MPPED2: variants seen among roughly 807,000 people sequenced by gnomAD.
The protein encoded by MPPED2 is metallophosphoesterase MPPED2.
Under a neutral mutation model 33.0 loss-of-function variants are expected in MPPED2, and 5 were observed. That is an observed-to-expected ratio of 0.15 (90% CI 0.08 to 0.32). MPPED2 has a LOEUF of 0.32. MPPED2 is among the 10% of genes least tolerant of loss of function. MPPED2 has a pLI of 1.00. For missense variants in MPPED2, 275 were observed against 372.1 expected (o/e 0.74, Z 2.15); for synonymous variants, 136 against 141.9 (o/e 0.96, Z 0.29).
chr11:30,416,796 C>T lies in MPPED2; in HGVS notation c.652+722G>A, dbSNP rs530115178. On this transcript the variant is annotated intron_variant, in intron 5 of 6. Coordinates refer to ENST00000358117, the MANE Select transcript of MPPED2 (RefSeq NM_001584.3). ...GTACTGAGTAGATGTGGGATCAGGGCGGTAGTCCTTGTTGAAGGATGTTCT... is the reference window on the plus strand; with the variant it reads ...GTACTGAGTAGATGTGGGATCAGGGTGGTAGTCCTTGTTGAAGGATGTTCT... Among the ~76,000 whole-genome samples the T allele has an allele frequency of 6.6e-5, 10 of 152,234 alleles. No individual in the cohort carries two copies. In the East Asian group the frequency reaches 1.7e-3, roughly 26 times the overall value.
chr11:30,477,538 C>T lies in MPPED2; in HGVS notation c.536+17758G>A, dbSNP rs531952942. 8.6e-5 allele frequency among the ~76,000 whole-genome samples: 13 copies of T among 151,846 alleles called. No individual in the cohort carries two copies. In the South Asian group the frequency reaches 2.7e-3, roughly 32 times the overall value. Reference sequence around the variant, plus strand: ...GATAGATTTTTTTTTCACTTTACACCCATCTTGTATTCCTGGTATAAATCC... The same window carrying T: ...GATAGATTTTTTTTTCACTTTACACTCATCTTGTATTCCTGGTATAAATCC... On this transcript the variant is annotated intron_variant, in intron 4 of 6. Transcript: ENST00000358117.
At chr11:30,398,110 C>T (rs1947861290) in intron 6 of MPPED2, among the ~76,000 whole-genome samples, 1 of 152,070 alleles carries the variant, frequency 6.6e-6, no homozygotes, top group South Asian at 2.1e-4. Context: ...CCTATCAGTA[C>T]CTCAAGGGCT....
chr11:30,583,134 C>CTTTTTTTTTTTTTTTTTTTTTTTTTT lies in MPPED2; in HGVS notation c.-121-2666_-121-2641dup, dbSNP rs199611856. ...CACAAACACCTGGAAAAGACTTTTT[C>CTTTTTTTTTTTTTTTTTTTTTTTTTT]TTTTTTTTTTTTTTTTTTTTTTTTT... On this transcript the variant is annotated intron_variant, in intron 1 of 6. Coordinates refer to ENST00000358117, the MANE Select transcript of MPPED2 (RefSeq NM_001584.3). Among the ~76,000 whole-genome samples the CTTTTTTTTTTTTTTTTTTTTTTTTTT allele has an allele frequency of 1.1e-4, 11 of 96,676 alleles. 1 individual carries two copies. The highest frequency in any genetic ancestry group is 5.3e-4 in the African/African-American group (11 of 20,686). 63.4% of individuals were successfully genotyped at this position (96,676 alleles called of 152,430 possible). A position where few individuals can be genotyped will look rare whatever the true frequency, so the allele number is the denominator to read the frequency against.
intron 4 of MPPED2, among the ~76,000 whole-genome samples, chr11:30,450,180 A>G (rs1590319317): frequency 6.6e-6 from 1 of 152,102 alleles, no homozygotes; most frequent in East Asian, 1.9e-4. Flanking sequence ...TACAATATGA[A>G]CTCATTACTT....
chr11:30,574,605 C>T (rs1357945005), intron 2 of MPPED2, among the ~76,000 whole-genome samples: 1 of 152,080 alleles, frequency 6.6e-6, no homozygotes, highest in East Asian at 1.9e-4. Flanking sequence ...TATACTGAAC[C>T]AATGAACAGC....
At chr11:30,580,677 T>C (rs1425287051) in intron 1 of MPPED2, among the ~76,000 whole-genome samples, 183 bp from the exon 2 acceptor site, 1 of 152,198 alleles carries the variant, frequency 6.6e-6, no homozygotes, top group Non-Finnish European at 1.5e-5. Flanking sequence ...GATATTACAC[T>C]CTATACATAT....
intron 3 of MPPED2, among the ~76,000 whole-genome samples, chr11:30,516,890 A>T (rs1953564083): frequency 6.6e-6 from 1 of 152,218 alleles, no homozygotes; most frequent in South Asian, 2.1e-4. Context: ...TCATTTTAAG[A>T]TAAACTCTTA....
At chr11:30,415,093 A>AGG (rs1363314902) in intron 5 of MPPED2, among the ~76,000 whole-genome samples, 1 of 152,256 alleles carries the variant, frequency 6.6e-6, no homozygotes, top group Non-Finnish European at 1.5e-5. Context: ...GAAGGCAGGT[A>AGG]GGATGAAAGG....
chr11:30,418,640 C>T (rs910976513), intron 4 of MPPED2, among the ~76,000 whole-genome samples: 2 of 152,178 alleles, frequency 1.3e-5, no homozygotes, highest in African/African-American at 2.4e-5. Context: ...ACAGACAAGT[C>T]GGTCAATTTT....
intron 4 of MPPED2, among the ~76,000 whole-genome samples, chr11:30,430,793 A>G (rs1949045394): frequency 6.6e-6 from 1 of 152,234 alleles, no homozygotes; most frequent in African/African-American, 2.4e-5. Flanking sequence ...ACTAGGTGGC[A>G]ACACAGAAAA....
intron 4 of MPPED2, among the ~76,000 whole-genome samples, chr11:30,452,474 C>T (rs112424598): frequency 1.7e-4 from 26 of 152,334 alleles, no homozygotes; most frequent in African/African-American, 5.8e-4. Context: ...TCTGTGTTCC[C>T]TCTGCCTCAC....
chr11:30,458,914 CTTTTTTTTTTTT>C (rs71060450), intron 4 of MPPED2, among the ~76,000 whole-genome samples: 3 of 64,542 alleles, frequency 4.6e-5, no homozygotes, highest in East Asian at 4.4e-4. Context: ...TTGCACAGTT[CTTTTTTTTTTTT>C]TTTTTTTTTT....
chr11:30,472,840 C>A (rs1311456848), intron 4 of MPPED2, among the ~76,000 whole-genome samples: 1 of 152,130 alleles, frequency 6.6e-6, no homozygotes, highest in Admixed American at 6.5e-5. Context: ...AATTGCACAA[C>A]AATGTACATG....
chr11:30,497,434 A>G (rs180857455), intron 3 of MPPED2, among the ~76,000 whole-genome samples: 2 of 152,264 alleles, frequency 1.3e-5, no homozygotes, highest in East Asian at 1.9e-4. Context: ...CCAGACAGCA[A>G]TGTCTTCCAA....
At chr11:30,396,939 A>T (rs989055689) in intron 6 of MPPED2, among the ~76,000 whole-genome samples, 2 of 152,146 alleles carry the variant, frequency 1.3e-5, no homozygotes, top group Non-Finnish European at 2.9e-5. Flanking sequence ...AAGACCACTA[A>T]TATGCTCAAT....
chr11:30,473,114 G>C (rs1457064099), intron 4 of MPPED2, among the ~76,000 whole-genome samples: 2 of 152,118 alleles, frequency 1.3e-5, no homozygotes, highest in East Asian at 3.9e-4. Context: ...CAGCTACATG[G>C]TATTCTATCG....
intron 3 of MPPED2, among the ~76,000 whole-genome samples, chr11:30,534,457 T>A (rs1371062797): frequency 1.5e-4 from 23 of 152,292 alleles, no homozygotes; most frequent in African/African-American, 5.5e-4. Flanking sequence ...CTTCTCTACA[T>A]CTCTGTGTCA....
intron 3 of MPPED2, among the ~76,000 whole-genome samples, chr11:30,507,440 A>C (rs1952895288): frequency 6.6e-6 from 1 of 152,202 alleles, no homozygotes; most frequent in Non-Finnish European, 1.5e-5. Flanking sequence ...GTCAATTTTA[A>C]TAATATCCAC....
intron 3 of MPPED2, among the ~76,000 whole-genome samples, chr11:30,509,531 C>T (rs1250858571): frequency 6.6e-6 from 1 of 152,168 alleles, no homozygotes; most frequent in Non-Finnish European, 1.5e-5. Flanking sequence ...AAAATCACTG[C>T]TGTTTTGACA....
Sources: gnomAD v4.1 joint callset for allele counts (sites outside exome capture counted in the v4.1 genomes callset) on GRCh38, gnomAD v4.1.1 for gene constraint, MANE v1.5 for transcripts, NCBI Gene and HGNC (gene_info 2026-07-23, HGNC 2026-07-21) for gene names.